Variants in DAZAP1 observed in about 807,000 individuals in gnomAD.
DAZAP1 encodes DAZ associated protein 1.
DAZAP1 carries 6 observed loss-of-function variants against 60.1 expected under a neutral mutation model. The ratio of observed to expected loss-of-function variants is 0.10; its 90% CI spans 0.05 to 0.20. The LOEUF is 0.20. DAZAP1 is among the 10% of genes least tolerant of loss of function. DAZAP1 has a pLI of 1.00. For missense variants in DAZAP1, 366 were observed against 560.4 expected (o/e 0.65, Z 3.50); for synonymous variants, 235 against 215.9 (o/e 1.09, Z -0.78).
rs2083562838 is a variant in DAZAP1, at chr19:1,435,016, G to GC, written c.*104_*105insC. On this transcript the variant is annotated 3_prime_UTR_variant, in exon 12 of 12. Coordinates refer to ENST00000233078, the MANE Select transcript of DAZAP1 (RefSeq NM_018959.4). ...GCAAAGTGGCGACTCAACCTTGGGGGGGGGGGCGGGGGGAGGGCGCGAGGC... is the reference window on the plus strand; with the variant it reads ...GCAAAGTGGCGACTCAACCTTGGGGGCGGGGGGCGGGGGGAGGGCGCGAGGC... 9.9e-6 allele frequency: 2 copies of GC among 202,968 alleles called. No individual in the cohort carries two copies. The highest frequency in any genetic ancestry group is 1.0e-4 in the South Asian group (2 of 19,552). The allele number at this position is 202,968 out of a possible 1,614,324, so 12.6% of individuals were successfully genotyped here. A position where few individuals can be genotyped will look rare whatever the true frequency, so the allele number is the denominator to read the frequency against.
Position 1,423,980 on chromosome 19 carries a change from C to T in DAZAP1, c.463+1584C>T, listed in dbSNP as rs1283627962. On this transcript the variant is annotated intron_variant, in intron 6 of 11. Transcript: ENST00000233078. The surrounding 1 kb of genome is among the most constrained non-coding windows in gnomAD (Gnocchi z 6.8). ...CTTGGGTGTCAGGCGAGTGGAGGGC[C>T]GGAGAGACGCTGCGGCGCTGCTTAG... Among the ~76,000 whole-genome samples, 2 of 152,194 alleles carry T rather than the reference C, an allele frequency of 1.3e-5. No homozygotes were observed. Among genetic ancestry groups the T allele is most frequent in the South Asian group, 2.1e-4 (1 of 4,836 alleles).
At chr19:1,414,957 A>G (rs1320101579) in intron 1 of DAZAP1, among the ~76,000 whole-genome samples, 1 of 151,734 alleles carries the variant, frequency 6.6e-6, no homozygotes. Flanking sequence ...AGTAGCTGGG[A>G]CTACAGGTGC....
chr19:1,430,265 ACC>A lies in DAZAP1; in HGVS notation c.778_779del (p.Pro260ThrfsTer166). The A allele has an allele frequency of 1.8e-6, 1 of 565,662 alleles. No homozygotes were observed. The highest frequency in any genetic ancestry group is 2.9e-6 in the Non-Finnish European group (1 of 350,536). The allele number at this position is 565,662 out of a possible 1,614,324, so 35.0% of individuals were successfully genotyped here. On this transcript the variant is annotated frameshift_variant, in exon 10 of 12. Coordinates refer to ENST00000233078, the MANE Select transcript of DAZAP1 (RefSeq NM_018959.4). LOFTEE classifies it high-confidence loss of function. ...PPAGRGAPPP[P>X]PPFTSYIVST... ...CTGCAGGAAGAGGAGCCCCCCCGCCACCCCCACCGTTCACCTCCTACATCGTG... is the reference window on the plus strand; with the variant it reads ...CTGCAGGAAGAGGAGCCCCCCCGCCACCCACCGTTCACCTCCTACATCGTG...
chr19:1,415,535 C>T (rs550534682), intron 1 of DAZAP1, among the ~76,000 whole-genome samples: 4 of 151,666 alleles, frequency 2.6e-5, no homozygotes, highest in Non-Finnish European at 5.9e-5. Context: ...TGCTGGGTGC[C>T]GGGCCCTGCT....
Position 1,407,659 on chromosome 19 carries a change from G to GCCGCCA in DAZAP1, c.-112_-111insCCACCG. The GCCGCCA allele has an allele frequency of 1.0e-6, 1 of 971,674 alleles. No individual in the cohort carries two copies. The highest frequency in any genetic ancestry group is 1.2e-6 in the Non-Finnish European group (1 of 813,390). 60.2% of individuals were successfully genotyped at this position (971,674 alleles called of 1,614,324 possible). ...CGCCGCCGCCGCCGCCGCCGCCGCC[G>GCCGCCA]CCGTTGCGCAGATCCGGGCCGCGGC... On this transcript the variant is annotated 5_prime_UTR_variant, in exon 1 of 12. Coordinates refer to ENST00000233078, the MANE Select transcript of DAZAP1 (RefSeq NM_018959.4).
Position 1,425,553 on chromosome 19 carries a change from C to T in DAZAP1, c.464-325C>T, listed in dbSNP as rs934777945. On this transcript the variant is annotated intron_variant, in intron 6 of 11. Coordinates refer to ENST00000233078, the MANE Select transcript of DAZAP1 (RefSeq NM_018959.4). The surrounding 1 kb of genome is among the most constrained non-coding windows in gnomAD (Gnocchi z 5.4). ...GAGGCCCTCACCGTTCCCCTGTCTC[C>T]GCTGCTGTTTTATAAGATGTGCTCC... 6.6e-6 allele frequency among the ~76,000 whole-genome samples: 1 copy of T among 152,220 alleles called. No individual in the cohort carries two copies. Among genetic ancestry groups the T allele is most frequent in the African/African-American group, 2.4e-5 (1 of 41,462 alleles).
chr19:1,435,520 T>G lies in DAZAP1; in HGVS notation c.*608T>G, dbSNP rs1438200227. ...GTCGACTGACCTGCTTGGTAGTGTCTGAGGTGAACTGTGGGGGTTGCGCAC... is the reference window on the plus strand; with the variant it reads ...GTCGACTGACCTGCTTGGTAGTGTCGGAGGTGAACTGTGGGGGTTGCGCAC... On this transcript the variant is annotated 3_prime_UTR_variant, in exon 12 of 12. Coordinates refer to ENST00000233078, the MANE Select transcript of DAZAP1 (RefSeq NM_018959.4). 3 of 152,260 alleles carry G rather than the reference T, an allele frequency of 2.0e-5. No individual in the cohort carries two copies. Among genetic ancestry groups the G allele is most frequent in the Non-Finnish European group, 4.4e-5 (3 of 68,054 alleles). 9.4% of individuals were successfully genotyped at this position (152,260 alleles called of 1,614,324 possible). A position where few individuals can be genotyped will look rare whatever the true frequency, so the allele number is the denominator to read the frequency against.
chr19:1,424,146 G>A (rs1041361646), intron 6 of DAZAP1, among the ~76,000 whole-genome samples: 1 of 151,496 alleles, frequency 6.6e-6, no homozygotes. Flanking sequence ...CAGGGACCCC[G>A]CCTGTGTCTC....
Position 1,432,484 on chromosome 19 carries a change from C to T in DAZAP1, c.872-30C>T. ...GTCTGCCCCCAGCTGCACAACGTGT[C>T]TTGTGCCTTGCCCTCTTGTACCTCT... On this transcript the variant is annotated intron_variant, in intron 10 of 11. Coordinates refer to ENST00000233078, the MANE Select transcript of DAZAP1 (RefSeq NM_018959.4). The surrounding 1 kb of genome is among the most constrained non-coding windows in gnomAD (Gnocchi z 4.9). The T allele has an allele frequency of 6.2e-7, 1 of 1,612,060 alleles. No individual in the cohort carries two copies. Among genetic ancestry groups the T allele is most frequent in the Non-Finnish European group, 8.5e-7 (1 of 1,178,792 alleles).
chr19:1,419,769 G>T (rs909532035), intron 4 of DAZAP1, among the ~76,000 whole-genome samples: 6 of 150,886 alleles, frequency 4.0e-5, no homozygotes, highest in Admixed American at 6.6e-5. Flanking sequence ...TCACGGCAGC[G>T]AGCACTCACC....
In DAZAP1 at chr19:1,422,777, C is replaced by A; in HGVS notation, c.463+381C>A. ...GTGTCGTCAGCTGGGTCAGCTGGCT[C>A]GGTGTGGAGTTTGGATTTTCCGTGA... On this transcript the variant is annotated intron_variant, in intron 6 of 11. Transcript: ENST00000233078. This position sits in a 1 kb window ranked among gnomAD's most constrained non-coding sequence, Gnocchi z 4.5. Among the ~76,000 whole-genome samples the A allele has an allele frequency of 3.3e-5, 5 of 152,180 alleles. No individual in the cohort carries two copies. In the Middle Eastern group the frequency reaches 0.017, roughly 518 times the overall value.
chr19:1,420,049 C>T (rs1157206714), intron 4 of DAZAP1, among the ~76,000 whole-genome samples: 1 of 88,842 alleles, frequency 1.1e-5, no homozygotes, highest in African/African-American at 4.6e-5. Flanking sequence ...ACTCACCCCA[C>T]GCGCACACTC....
rs1477078963 is a variant in DAZAP1 at position 1,418,451 on chromosome 19, C to A, written c.237+81C>A. Reference sequence around the variant, plus strand: ...GCTTCATTTTTTCCTGGACTCTGACCGATGTTTGCGTTAGAGTATGTTTGA... The same window carrying A: ...GCTTCATTTTTTCCTGGACTCTGACAGATGTTTGCGTTAGAGTATGTTTGA... On this transcript the variant is annotated intron_variant, in intron 3 of 11. Coordinates refer to ENST00000233078, the MANE Select transcript of DAZAP1 (RefSeq NM_018959.4). The surrounding 1 kb of genome is among the most constrained non-coding windows in gnomAD (Gnocchi z 5.7). The A allele has an allele frequency of 1.9e-6, 3 of 1,539,318 alleles. No individual in the cohort carries two copies. Among genetic ancestry groups the A allele is most frequent in the Non-Finnish European group, 2.7e-6 (3 of 1,120,562 alleles).
intron 1 of DAZAP1, chr19:1,417,142 C>A: frequency 3.6e-6 from 1 of 277,588 alleles, no homozygotes; most frequent in Non-Finnish European, 6.8e-6. Context: ...TTATAAAATA[C>A]TCGCAAAAGC....
chr19:1,432,737 T>TGGG lies in DAZAP1; in HGVS notation c.1048+48_1048+50dup. 1.3e-6 allele frequency: 2 copies of TGGG among 1,530,018 alleles called. No individual in the cohort carries two copies. The highest frequency in any genetic ancestry group is 1.8e-6 in the Non-Finnish European group (2 of 1,133,892). The allele number at this position is 1,530,018 out of a possible 1,614,324, so 94.8% of individuals were successfully genotyped here. A position where few individuals can be genotyped will look rare whatever the true frequency, so the allele number is the denominator to read the frequency against. On this transcript the variant is annotated intron_variant, in intron 11 of 11. Transcript: ENST00000233078. This position sits in a 1 kb window ranked among gnomAD's most constrained non-coding sequence, Gnocchi z 4.9. ...CGCGTCCCCGCTGGCCCCAGGACCCTGGGCACGGCCTGCCTTCTTCTGCTT... is the reference window on the plus strand; with the variant it reads ...CGCGTCCCCGCTGGCCCCAGGACCCTGGGGGGCACGGCCTGCCTTCTTCTGCTT...
In DAZAP1 at chr19:1,418,466, A is replaced by G; in HGVS notation, c.237+96A>G. 1 of 1,514,120 alleles carries G rather than the reference A, an allele frequency of 6.6e-7. No individual in the cohort carries two copies. Among genetic ancestry groups the G allele is most frequent in the Non-Finnish European group, 9.1e-7 (1 of 1,099,970 alleles). 93.8% of individuals were successfully genotyped at this position (1,514,120 alleles called of 1,614,324 possible). A position where few individuals can be genotyped will look rare whatever the true frequency, so the allele number is the denominator to read the frequency against. On this transcript the variant is annotated intron_variant, in intron 3 of 11. Transcript: ENST00000233078. The surrounding 1 kb of genome is among the most constrained non-coding windows in gnomAD (Gnocchi z 5.7). The stretch of plus-strand genomic sequence containing the variant: ...GGACTCTGACCGATGTTTGCGTTAG[A>G]GTATGTTTGAACGTGGGGTCGATTG...
chr19:1,416,251 G>C lies in DAZAP1; in HGVS notation c.30-1249G>C, dbSNP rs1310937163. 1 of 152,218 alleles carries C rather than the reference G, an allele frequency of 6.6e-6. No individual in the cohort carries two copies. Among genetic ancestry groups the C allele is most frequent in the African/African-American group, 2.4e-5 (1 of 41,426 alleles). The allele number at this position is 152,218 out of a possible 1,614,324, so 9.4% of individuals were successfully genotyped here. ...TTGCTGAAAGCCGAAGCCAAGGGTGGTGTGGTTGGCCGTCAGGGATACAGG... is the reference window on the plus strand; with the variant it reads ...TTGCTGAAAGCCGAAGCCAAGGGTGCTGTGGTTGGCCGTCAGGGATACAGG... On this transcript the variant is annotated intron_variant, in intron 1 of 11. Coordinates refer to ENST00000233078, the MANE Select transcript of DAZAP1 (RefSeq NM_018959.4). The surrounding 1 kb of genome is among the most constrained non-coding windows in gnomAD (Gnocchi z 4.3).
chr19:1,411,748 G>A (rs779027319), intron 1 of DAZAP1, among the ~76,000 whole-genome samples: 74 of 152,330 alleles, frequency 4.9e-4, no homozygotes, highest in Non-Finnish European at 9.6e-4. Context: ...GGATGGGCCC[G>A]GGGTCACCCC....
At chr19:1,424,187 T>TGGCCCTCCCACGTCTACCCTC (rs2083240830) in intron 6 of DAZAP1, among the ~76,000 whole-genome samples, 1 of 152,010 alleles carries the variant, frequency 6.6e-6, no homozygotes, top group Non-Finnish European at 1.5e-5. Flanking sequence ...GGTCCCTGCT[T>TGGCCCTCCCACGTCTACCCTC]GGCCCTCCCA....
Sources: gnomAD v4.1 joint callset for allele counts (sites outside exome capture counted in the v4.1 genomes callset) on GRCh38, gnomAD v4.1.1 for gene constraint, Gnocchi (gnomAD v3.1) non-coding constraint, MANE v1.5 for transcripts, NCBI Gene and HGNC (gene_info 2026-07-23, HGNC 2026-07-21) for gene names.